PLEKHG3: variants seen among roughly 807,000 people sequenced by gnomAD.
PLEKHG3 encodes the protein pleckstrin homology domain-containing family G member 3.
PLEKHG3 carries 62 observed loss-of-function variants against 94.9 expected under a neutral mutation model. The observed-to-expected ratio is 0.65, with a 90% CI of 0.53 to 0.81. The LOEUF (loss-of-function observed/expected upper bound fraction) is 0.81. Ranked by LOEUF, PLEKHG3 falls within the 30% of genes least tolerant of loss-of-function variation. PLEKHG3 has a pLI of 0.00. For missense variants in PLEKHG3, 1,461 were observed against 1,619.3 expected (o/e 0.90, Z 1.68); for synonymous variants, 614 against 654.0 (o/e 0.94, Z 0.93).
At chr14:64,737,783 TCC>T in intron 14 of PLEKHG3, 1 of 713,012 alleles carries the variant, frequency 1.4e-6, no homozygotes, top group Non-Finnish European at 1.9e-6. Flanking sequence ...GTGTGAAGGC[TCC>T]CCCCCCGCAG....
In PLEKHG3 at chr14:64,716,468, C is replaced by CACA. The variant is rs1566693920; in HGVS notation, c.-39-11124_-39-11122dup. ...CACACACACACACACACACACACAA[C>CACA]ACACACACACACAACACACACACAC... On this transcript the variant is annotated intron_variant, in intron 1 of 16. Transcript: ENST00000247226. This position sits in a 1 kb window ranked among gnomAD's most constrained non-coding sequence, Gnocchi z 5.0. Among the ~76,000 whole-genome samples, 37 of 92,680 alleles carry CACA rather than the reference C, an allele frequency of 4.0e-4. No homozygotes were observed. Among genetic ancestry groups the CACA allele is most frequent in the East Asian group, 3.4e-4 (1 of 2,966 alleles). 60.8% of individuals were successfully genotyped at this position (92,680 alleles called of 152,430 possible).
chr14:64,728,213 C>T lies in PLEKHG3; in HGVS notation c.351+231C>T, dbSNP rs993221087. 6.6e-6 allele frequency among the ~76,000 whole-genome samples: 1 copy of T among 152,242 alleles called. No homozygotes were observed. Among genetic ancestry groups the T allele is most frequent in the Non-Finnish European group, 1.5e-5 (1 of 68,044 alleles). ...CATCGTTGATAGGGTGGATCCCCAG[C>T]CTGCCTGGGAAGATGGCTCTAGAGA... On this transcript the variant is annotated intron_variant, in intron 2 of 16. Coordinates refer to ENST00000247226, the MANE Select transcript of PLEKHG3 (RefSeq NM_001308147.2). The surrounding 1 kb of genome is among the most constrained non-coding windows in gnomAD (Gnocchi z 5.9).
At position 64,716,435 on chromosome 14, in the gene PLEKHG3, TACACACACAC is replaced by T. The variant is rs61468622; in HGVS notation, c.-39-11136_-39-11127del. ...GGTTAGAGAAGGTCATGTAGGGCCC[TACACACACAC>T]ACACACACACACACACACACAACAC... On this transcript the variant is annotated intron_variant, in intron 1 of 16. Transcript: ENST00000247226. The surrounding 1 kb of genome is among the most constrained non-coding windows in gnomAD (Gnocchi z 5.0). Among the ~76,000 whole-genome samples, 56 of 105,276 alleles carry T rather than the reference TACACACACAC, an allele frequency of 5.3e-4. 1 individual carries two copies. The highest frequency in any genetic ancestry group is 2.1e-3 in the African/African-American group (54 of 25,398). 69.1% of individuals were successfully genotyped at this position (105,276 alleles called of 152,430 possible).
intron 1 of PLEKHG3, among the ~76,000 whole-genome samples, chr14:64,710,249 A>C (rs1359511436): frequency 1.3e-5 from 2 of 152,240 alleles, no homozygotes; most frequent in African/African-American, 4.8e-5. Flanking sequence ...GCTTATTTGC[A>C]TGTAGCCAAG....
rs1376482588 is a variant in PLEKHG3, at chr14:64,743,664, C to A, written c.3621C>A (p.Asn1207Lys). 9 of 1,596,562 alleles carry A rather than the reference C, an allele frequency of 5.6e-6. No individual in the cohort carries two copies. The highest frequency in any genetic ancestry group is 6.8e-6 in the Non-Finnish European group (8 of 1,172,434). ...CGAGCCAGCAGGGCAGAGTGAGAAA[C>A]CTTAGAGAGAAGTTCCAGGCCTTGA... The part of the protein sequence containing the change: ...ADPSQQGRVR[N>K]LREKFQALNS... The change falls in exon 17 of 17, where the codon AAC becomes AAA. Residue 1207 changes from asparagine to lysine, a missense_variant. Asn to Lys is a moderately conservative substitution (Grantham distance 94, BLOSUM62 0). Around this residue, in one of 3 missense-constraint regions of PLEKHG3, gnomAD observed 1,201 missense variants for 1,295.5 expected, o/e 0.93. Transcript: ENST00000247226. The surrounding 1 kb of genome is among the most constrained non-coding windows in gnomAD (Gnocchi z 7.2).
rs1292972954 is a variant in PLEKHG3, at chr14:64,738,092, G to A, written c.1405-650G>A. 7.9e-7 allele frequency: 1 copy of A among 1,269,976 alleles called. No individual in the cohort carries two copies. The highest frequency in any genetic ancestry group is 1.0e-6 in the Non-Finnish European group (1 of 973,736). The allele number at this position is 1,269,976 out of a possible 1,614,324, so 78.7% of individuals were successfully genotyped here. On this transcript the variant is annotated intron_variant, in intron 14 of 16. Transcript: ENST00000247226. This position sits in a 1 kb window ranked among gnomAD's most constrained non-coding sequence, Gnocchi z 4.8. Reference sequence around the variant, plus strand: ...CTGGGCCGGAGCCCCCAGGCTCAGAGGAGGAGGAGGAGGAGCAGGAGGAGA... The same window carrying A: ...CTGGGCCGGAGCCCCCAGGCTCAGAAGAGGAGGAGGAGGAGCAGGAGGAGA...
chr14:64,742,994 C>A lies in PLEKHG3; in HGVS notation c.2951C>A (p.Pro984Gln), dbSNP rs749483679. ...EPLGGKGKRK[P>Q]VLSLFDYEQL... is the part of the protein sequence containing the mutation. ...TCTCTCCTCATAGGTAAGAGGAAGC[C>A]GGTGCTGTCTCTATTTGACTATGAG... Residue 984 changes from proline to glutamine, a missense_variant, in exon 17 of 17, where the codon CCG (proline) becomes CAG (glutamine). By Grantham distance (76) the Pro-to-Gln change is moderately conservative. This residue lies in a region of PLEKHG3 where 1,201 missense variants were observed against 1,295.5 expected (regional missense o/e 0.93). Coordinates refer to ENST00000247226, the MANE Select transcript of PLEKHG3 (RefSeq NM_001308147.2). 2 of 1,613,212 alleles carry A rather than the reference C, an allele frequency of 1.2e-6. No individual in the cohort carries two copies. Among genetic ancestry groups the A allele is most frequent in the Non-Finnish European group, 1.7e-6 (2 of 1,179,830 alleles).
intron 1 of PLEKHG3, among the ~76,000 whole-genome samples, chr14:64,711,344 C>T (rs866048494): frequency 6.6e-6 from 1 of 152,102 alleles, no homozygotes; most frequent in Non-Finnish European, 1.5e-5. Flanking sequence ...AATCTTAATT[C>T]GGCTCCACCC....
Position 64,730,963 on chromosome 14 carries a change from C to A in PLEKHG3, c.717+14C>A, listed in dbSNP as rs1200572985. On this transcript the variant is annotated intron_variant, in intron 6 of 16. Coordinates refer to ENST00000247226, the MANE Select transcript of PLEKHG3 (RefSeq NM_001308147.2). The surrounding 1 kb of genome is among the most constrained non-coding windows in gnomAD (Gnocchi z 5.4). ...CTGCTGCTCCAGGTAGCCCCTCGGT[C>A]CTCCCAAGCACCTAGGGCCTGGGGA... is the stretch of plus-strand genomic sequence containing the variant. 10 of 1,613,258 alleles carry A rather than the reference C, an allele frequency of 6.2e-6. No individual in the cohort carries two copies. Among genetic ancestry groups the A allele is most frequent in the Non-Finnish European group, 7.6e-6 (9 of 1,179,872 alleles).
Position 64,716,137 on chromosome 14 carries a change from G to C in PLEKHG3, c.-40+11433G>C, listed in dbSNP as rs2139365247. ...CAGGCCAGGGGATGGGAATGGGGTG[G>C]GATGGGGACTCTTTCAACTCCGGGC... is the stretch of plus-strand genomic sequence containing the variant. On this transcript the variant is annotated intron_variant, in intron 1 of 16. Coordinates refer to ENST00000247226, the MANE Select transcript of PLEKHG3 (RefSeq NM_001308147.2). This position sits in a 1 kb window ranked among gnomAD's most constrained non-coding sequence, Gnocchi z 5.0. The C allele has an allele frequency of 2.3e-6, 1 of 442,660 alleles. No homozygotes were observed. The highest frequency in any genetic ancestry group is 1.6e-5 in the South Asian group (1 of 63,192). 27.4% of individuals were successfully genotyped at this position (442,660 alleles called of 1,614,324 possible). A position where few individuals can be genotyped will look rare whatever the true frequency, so the allele number is the denominator to read the frequency against.
At position 64,716,521 on chromosome 14, in the gene PLEKHG3, A is replaced by C. The variant is rs2081164646; in HGVS notation, c.-39-11072A>C. On this transcript the variant is annotated intron_variant, in intron 1 of 16. Transcript: ENST00000247226. This position sits in a 1 kb window ranked among gnomAD's most constrained non-coding sequence, Gnocchi z 5.0. ...AACACACACACACACACACACACACACACACACACACACACACACACACAC... is the reference window on the plus strand; with the variant it reads ...AACACACACACACACACACACACACCCACACACACACACACACACACACAC... Among the ~76,000 whole-genome samples, 1 of 144,700 alleles carries C rather than the reference A, an allele frequency of 6.9e-6. No individual in the cohort carries two copies. The highest frequency in any genetic ancestry group is 2.2e-4 in the South Asian group (1 of 4,564). 94.9% of individuals were successfully genotyped at this position (144,700 alleles called of 152,430 possible).
In PLEKHG3 at chr14:64,730,178, G is replaced by T. The variant is rs2081431804; in HGVS notation, c.450-65G>T. 2.3e-6 allele frequency: 2 copies of T among 857,346 alleles called. No individual in the cohort carries two copies. Among genetic ancestry groups the T allele is most frequent in the East Asian group, 5.3e-5 (2 of 37,694 alleles). The allele number at this position is 857,346 out of a possible 1,614,324, so 53.1% of individuals were successfully genotyped here. The stretch of plus-strand genomic sequence containing the variant: ...CAGTCAGGGTTTGGGAGGTTGGGGA[G>T]GGGGCAGTGAGGGGCATTGTCCTCT... On this transcript the variant is annotated intron_variant, in intron 3 of 16. Coordinates refer to ENST00000247226, the MANE Select transcript of PLEKHG3 (RefSeq NM_001308147.2). The surrounding 1 kb of genome is among the most constrained non-coding windows in gnomAD (Gnocchi z 5.4).
At position 64,722,000 on chromosome 14, in the gene PLEKHG3, G is replaced by A. The variant is rs1291339444; in HGVS notation, c.-39-5593G>A. On this transcript the variant is annotated intron_variant, in intron 1 of 16. Coordinates refer to ENST00000247226, the MANE Select transcript of PLEKHG3 (RefSeq NM_001308147.2). This position sits in a 1 kb window ranked among gnomAD's most constrained non-coding sequence, Gnocchi z 4.3. ...CTCCCACACTGTTTTTTCTGGAAAA[G>A]TTATAGCTTTTCTCTATTGCTTCCT... 6.6e-6 allele frequency among the ~76,000 whole-genome samples: 1 copy of A among 152,128 alleles called. No individual in the cohort carries two copies. Among genetic ancestry groups the A allele is most frequent in the Non-Finnish European group, 1.5e-5 (1 of 68,010 alleles).
Position 64,749,473 on chromosome 14 carries a change from C to T in PLEKHG3, c.*5770C>T, listed in dbSNP as rs747990413. 1 of 1,600,054 alleles carries T rather than the reference C, an allele frequency of 6.2e-7. No individual in the cohort carries two copies. Among genetic ancestry groups the T allele is most frequent in the Non-Finnish European group, 8.5e-7 (1 of 1,178,120 alleles). Reference sequence around the variant, plus strand: ...CCCTGCAGCCAGGACAGCATCTCCTCCTGCGGGGCGGAGGGTCACGGTGGA... The same window carrying T: ...CCCTGCAGCCAGGACAGCATCTCCTTCTGCGGGGCGGAGGGTCACGGTGGA... On this transcript the variant is annotated 3_prime_UTR_variant, in exon 17 of 17. Transcript: ENST00000247226. The surrounding 1 kb of genome is among the most constrained non-coding windows in gnomAD (Gnocchi z 4.7).
Position 64,729,053 on chromosome 14 carries a change from G to T in PLEKHG3, c.409G>T (p.Ala137Ser). 2 of 1,526,554 alleles carry T rather than the reference G, an allele frequency of 1.3e-6. No homozygotes were observed. Among genetic ancestry groups the T allele is most frequent in the Non-Finnish European group, 1.8e-6 (2 of 1,138,558 alleles). The allele number at this position is 1,526,554 out of a possible 1,614,324, so 94.6% of individuals were successfully genotyped here. A position where few individuals can be genotyped will look rare whatever the true frequency, so the allele number is the denominator to read the frequency against. ...PGLLKPEQVS[A>S]LFGNIENIYA... Reference sequence around the variant, plus strand: ...GCTGCTGAAGCCAGAACAGGTCAGCGCCCTCTTTGGGAACATAGAAAATAT... The same window carrying T: ...GCTGCTGAAGCCAGAACAGGTCAGCTCCCTCTTTGGGAACATAGAAAATAT... The change falls in exon 3 of 17, where the codon GCC becomes TCC. Residue 137 changes from alanine (A) to serine (S), a missense_variant. Physicochemically the swap from Ala to Ser is moderately conservative, Grantham distance 99 (BLOSUM62 1). Coordinates refer to ENST00000247226, the MANE Select transcript of PLEKHG3 (RefSeq NM_001308147.2).
At chr14:64,736,768 G>T (rs2081578755) in intron 12 of PLEKHG3, 85 bp from the exon 13 acceptor site, 2 of 972,732 alleles carry the variant, frequency 2.1e-6, no homozygotes, top group Admixed American at 1.7e-5. Context: ...GCTGGTGATG[G>T]GCTGGTGGCG....
chr14:64,707,685 A>T (rs1199705250), intron 1 of PLEKHG3, among the ~76,000 whole-genome samples: 1 of 152,252 alleles, frequency 6.6e-6, no homozygotes, highest in Non-Finnish European at 1.5e-5. Context: ...TTTTGAGGTG[A>T]TGCCTGAAGG....
In PLEKHG3 at chr14:64,744,666, A is replaced by T. The variant is rs2081796495; in HGVS notation, c.*963A>T. ...GCCAGAGTTGGACCAAGAAAAAGGG[A>T]GGTGGTGAGGTGGATAGACTGTTTT... On this transcript the variant is annotated 3_prime_UTR_variant, in exon 17 of 17. Coordinates refer to ENST00000247226, the MANE Select transcript of PLEKHG3 (RefSeq NM_001308147.2). The T allele has an allele frequency of 6.6e-6, 1 of 151,354 alleles. No individual in the cohort carries two copies. Among genetic ancestry groups the T allele is most frequent in the Non-Finnish European group, 1.5e-5 (1 of 67,924 alleles). 9.4% of individuals were successfully genotyped at this position (151,354 alleles called of 1,614,324 possible).
chr14:64,728,855 GAAT>G lies in PLEKHG3; in HGVS notation c.352-140_352-138del. ...ACATTCTGGGGTTCCAAGTGGACAT[GAAT>G]TTTGGGGTGGACACTGTCTCACAGT... On this transcript the variant is annotated intron_variant, in intron 2 of 16. Coordinates refer to ENST00000247226, the MANE Select transcript of PLEKHG3 (RefSeq NM_001308147.2). The surrounding 1 kb of genome is among the most constrained non-coding windows in gnomAD (Gnocchi z 5.9). 1 of 510,088 alleles carries G rather than the reference GAAT, an allele frequency of 2.0e-6. No homozygotes were observed. The highest frequency in any genetic ancestry group is 3.5e-6 in the Non-Finnish European group (1 of 285,260). The allele number at this position is 510,088 out of a possible 1,614,324, so 31.6% of individuals were successfully genotyped here. A position where few individuals can be genotyped will look rare whatever the true frequency, so the allele number is the denominator to read the frequency against.
Sources: gnomAD v4.1 joint callset for allele counts (sites outside exome capture counted in the v4.1 genomes callset) on GRCh38, gnomAD v4.1.1 for gene constraint, gnomAD v4.1.1 regional missense constraint, Gnocchi (gnomAD v3.1) non-coding constraint, MANE v1.5 for transcripts, NCBI Gene and HGNC (gene_info 2026-07-23, HGNC 2026-07-21) for gene names.